Variants in TNRC6C observed in about 807,000 individuals in gnomAD.
TNRC6C encodes the protein trinucleotide repeat containing adaptor 6C, also known as trinucleotide repeat-containing gene 6C protein.
In TNRC6C, 20 loss-of-function variants were observed where a neutral mutation model predicts 153.7. The observed-to-expected ratio is 0.13, with a 90% CI of 0.09 to 0.19. TNRC6C has a LOEUF of 0.19. Among genes scored for constraint, TNRC6C ranks in the 10% least tolerant of loss-of-function variants. TNRC6C has a pLI of 1.00. For missense variants in TNRC6C, 1,987 were observed against 2,172.0 expected, an observed-to-expected ratio of 0.91 and a Z score of 1.69; for synonymous variants, 811 against 841.4, an observed-to-expected ratio of 0.96 and a Z score of 0.63.
chr17:77,989,648 T>C (rs932565143), intron 1 of TNRC6C, among the ~76,000 whole-genome samples: 35 of 152,236 alleles, frequency 2.3e-4, no homozygotes, highest in Admixed American at 1.3e-4. Context: ...CCACTAACTG[T>C]AAGCTCTTGA....
intron 16 of TNRC6C, among the ~76,000 whole-genome samples, chr17:78,095,280 G>C (rs2073465086): frequency 6.6e-6 from 1 of 152,210 alleles, no homozygotes; most frequent in Admixed American, 6.5e-5. Flanking sequence ...AGAAACACGT[G>C]ACAGCTGTCC....
chr17:77,995,151 C>T (rs2071309114), intron 1 of TNRC6C, among the ~76,000 whole-genome samples: 1 of 152,084 alleles, frequency 6.6e-6, no homozygotes, highest in South Asian at 2.1e-4. Flanking sequence ...AGGAGGAGAC[C>T]CCTGCCCCCA....
At chr17:77,982,895 G>A (rs1371247888) in intron 1 of TNRC6C, among the ~76,000 whole-genome samples, 1 of 152,042 alleles carries the variant, frequency 6.6e-6, no homozygotes, top group Admixed American at 6.6e-5. Context: ...AGACAAAATG[G>A]ACTTTAAGGC....
chr17:77,959,700 G>C (rs1047287929), intron 1 of TNRC6C, among the ~76,000 whole-genome samples: 7 of 152,116 alleles, frequency 4.6e-5, no homozygotes, highest in Non-Finnish European at 1.5e-5. Context: ...GGCGTGCTGC[G>C]GGTGGGCGGA....
At chr17:78,100,014 A>T (rs1277495013) in intron 17 of TNRC6C, among the ~76,000 whole-genome samples, 1 of 152,260 alleles carries the variant, frequency 6.6e-6, no homozygotes, top group Admixed American at 6.5e-5. Flanking sequence ...TCAAAGCTCC[A>T]AAATGATCTT....
chr17:78,045,774 G>C (rs755119593), intron 2 of TNRC6C, among the ~76,000 whole-genome samples: 1 of 152,084 alleles, frequency 6.6e-6, no homozygotes, highest in Non-Finnish European at 1.5e-5. Context: ...CTGCTCTGCC[G>C]CCTGATTTGT....
At chr17:78,090,965 A>G (rs186788787) in intron 13 of TNRC6C, among the ~76,000 whole-genome samples, 1 of 152,318 alleles carries the variant, frequency 6.6e-6, no homozygotes, top group East Asian at 1.9e-4. Context: ...CAAAACAAAG[A>G]AAGATTTTCC....
intron 8 of TNRC6C, among the ~76,000 whole-genome samples, chr17:78,076,501 C>G (rs1257056979): frequency 6.6e-6 from 1 of 152,016 alleles, no homozygotes; most frequent in South Asian, 2.1e-4. Context: ...AATGTGAAAT[C>G]ATACTGTTTA....
At chr17:78,086,295 A>G (rs1246293957) in intron 11 of TNRC6C, among the ~76,000 whole-genome samples, 2 of 136,058 alleles carry the variant, frequency 1.5e-5, no homozygotes, top group African/African-American at 5.6e-5. Context: ...ACGCCATTAC[A>G]CTCCAGCCTG....
rs558824072 is a variant in TNRC6C, at chr17:78,091,125, T to G, written c.3803-315T>G. ...TTTTCACCTTAATTTAGGAATAATA[T>G]TCCTAGAAATACATGTTGTTATGAC... On this transcript the variant is annotated intron_variant, in intron 13 of 19. Coordinates refer to ENST00000301624, the Ensembl canonical transcript of TNRC6C. Among the ~76,000 whole-genome samples, 4 of 152,308 alleles carry G rather than the reference T, an allele frequency of 2.6e-5. No individual in the cohort carries two copies. In the South Asian group the frequency reaches 8.3e-4, roughly 32 times the overall value.
exon 5 of TNRC6C, chr17:78,067,889 C>A (rs747417890): frequency 2.6e-5 from 42 of 1,613,064 alleles, no homozygotes; most frequent in Non-Finnish European, 3.5e-5. Context: ...TCCTGCAGCT[C>A]CTGGGGGAAC....
At chr17:77,992,741 T>G (rs965874592) in intron 1 of TNRC6C, among the ~76,000 whole-genome samples, 2 of 152,184 alleles carry the variant, frequency 1.3e-5, no homozygotes, top group African/African-American at 4.8e-5. Flanking sequence ...AGGTACCCAC[T>G]AAAATAACTT....
At chr17:78,072,255 A>AT (rs1407221881) in intron 6 of TNRC6C, among the ~76,000 whole-genome samples, 2 of 152,208 alleles carry the variant, frequency 1.3e-5, no homozygotes, top group African/African-American at 4.8e-5. Context: ...CTCAGTTATC[A>AT]TGGCACCCTA....
chr17:77,993,857 C>T (rs1408926099), intron 1 of TNRC6C, among the ~76,000 whole-genome samples: 1 of 151,984 alleles, frequency 6.6e-6, no homozygotes, highest in East Asian at 1.9e-4. Flanking sequence ...TTGTTTCCTG[C>T]AGCAATATAA....
chr17:77,980,381 C>A (rs1347843348), intron 1 of TNRC6C, among the ~76,000 whole-genome samples: 8 of 152,182 alleles, frequency 5.3e-5, no homozygotes, highest in African/African-American at 1.7e-4. Flanking sequence ...TCTCACTCTA[C>A]AACAGTGATC....
chr17:78,059,930 T>G (rs2072733706), intron 3 of TNRC6C, among the ~76,000 whole-genome samples: 1 of 152,094 alleles, frequency 6.6e-6, no homozygotes, highest in African/African-American at 2.4e-5. Context: ...CATTAAAATC[T>G]GTATTAGTAT....
intron 10 of TNRC6C, among the ~76,000 whole-genome samples, chr17:78,081,852 C>G (rs1476914733): frequency 6.6e-6 from 1 of 152,174 alleles, no homozygotes; most frequent in Admixed American, 6.5e-5. Flanking sequence ...TCTTCTGTAT[C>G]TCCCTGTTAC....
At position 78,064,704 on chromosome 17, in the gene TNRC6C, C is replaced by G. The variant is rs755501445; in HGVS notation, c.2396-18C>G. ...ATGCACTTTCATTATTTTCTCTACC[C>G]CTTGGAACCTTTTTCAGTTTCATCA... On this transcript the variant is annotated intron_variant, in intron 3 of 19. Coordinates refer to ENST00000301624, the Ensembl canonical transcript of TNRC6C. 1.2e-6 allele frequency: 2 copies of G among 1,611,328 alleles called. No homozygotes were observed. Among genetic ancestry groups the G allele is most frequent in the South Asian group, 1.1e-5 (1 of 90,692 alleles).
At chr17:78,012,877 A>T (rs1299570195) in intron 1 of TNRC6C, among the ~76,000 whole-genome samples, 1 of 152,182 alleles carries the variant, frequency 6.6e-6, no homozygotes, top group African/African-American at 2.4e-5. Flanking sequence ...TCATCTTTTC[A>T]TCAAATATTT....
Sources: allele counts gnomAD v4.1 joint callset (sites outside exome capture counted in the v4.1 genomes callset), GRCh38; gene constraint gnomAD v4.1.1; transcripts MANE v1.5; gene names NCBI Gene and HGNC (gene_info 2026-07-23, HGNC 2026-07-21).